Variants in FAM135B observed in about 807,000 individuals in gnomAD.
FAM135B encodes family with sequence similarity 135 member B.
In FAM135B, 43 loss-of-function variants were observed where a neutral mutation model predicts 127.7. The ratio of observed to expected loss-of-function variants is 0.34; its 90% CI spans 0.26 to 0.43. The LOEUF (loss-of-function observed/expected upper bound fraction) is 0.43. FAM135B is among the 20% of genes least tolerant of loss of function. The probability of loss-of-function intolerance (pLI) is 1.00; values close to 1 mark genes in which losing one functional copy is unlikely to be tolerated. For synonymous variants in FAM135B, 670 were observed against 665.1 expected (o/e 1.01, Z -0.11); for missense variants, 1,558 against 1,725.6 (o/e 0.90, Z 1.72).
At chr8:138,282,083 G>A (rs754761027) in intron 3 of FAM135B, among the ~76,000 whole-genome samples, 6 of 152,148 alleles carry the variant, frequency 3.9e-5, no homozygotes, top group African/African-American at 1.4e-4. Context: ...GGACATAGCC[G>A]CTTAATGAAA....
At chr8:138,377,511 C>T (rs912732763) in intron 1 of FAM135B, among the ~76,000 whole-genome samples, 1 of 152,196 alleles carries the variant, frequency 6.6e-6, no homozygotes, top group East Asian at 1.9e-4. Context: ...CACAAAAGAA[C>T]ACTGAAGACA....
chr8:138,486,681 T>C (rs1372861800), intron 1 of FAM135B, among the ~76,000 whole-genome samples: 1 of 152,210 alleles, frequency 6.6e-6, no homozygotes, highest in Non-Finnish European at 1.5e-5. Context: ...AGGCTGAGAC[T>C]AGATATCCAT....
chr8:138,285,521 T>C (rs1457608610), intron 3 of FAM135B, among the ~76,000 whole-genome samples: 2 of 152,090 alleles, frequency 1.3e-5, no homozygotes, highest in Non-Finnish European at 2.9e-5. Context: ...TCTCTACAGA[T>C]TGTTATGAGG....
intron 1 of FAM135B, among the ~76,000 whole-genome samples, chr8:138,462,866 A>C (rs947073284): frequency 1.3e-5 from 2 of 152,206 alleles, no homozygotes; most frequent in African/African-American, 4.8e-5. Flanking sequence ...CGCCCAGCCC[A>C]TGGCTGAGTT....
intron 12 of FAM135B, among the ~76,000 whole-genome samples, chr8:138,166,595 AT>A (rs1819948970): frequency 6.6e-6 from 1 of 152,234 alleles, no homozygotes; most frequent in Non-Finnish European, 1.5e-5. Context: ...AGGCTAATTG[AT>A]ATAAACAAGA....
At position 138,457,962 on chromosome 8, in the gene FAM135B, G is replaced by A. The variant is rs904569337; in HGVS notation, c.-20+38709C>T. Among the ~76,000 whole-genome samples the A allele has an allele frequency of 2.1e-4, 30 of 143,752 alleles. 1 individual carries two copies. Among genetic ancestry groups the A allele is most frequent in the Non-Finnish European group, 1.6e-4 (11 of 66,858 alleles). 94.3% of individuals were successfully genotyped at this position (143,752 alleles called of 152,430 possible). ...ACTGCACTCCAGCCTGGGCAAGAGCGAGACTCCATCTCAAAAAAAAAAAAA... is the reference window on the plus strand; with the variant it reads ...ACTGCACTCCAGCCTGGGCAAGAGCAAGACTCCATCTCAAAAAAAAAAAAA... On this transcript the variant is annotated intron_variant, in intron 1 of 19. Coordinates refer to ENST00000395297, the MANE Select transcript of FAM135B (RefSeq NM_015912.4).
chr8:138,375,204 G>A (rs1475238098), intron 1 of FAM135B, among the ~76,000 whole-genome samples: 1 of 152,050 alleles, frequency 6.6e-6, no homozygotes, highest in Non-Finnish European at 1.5e-5. Context: ...CCCCATTTGT[G>A]TGGCCGAAAG....
At chr8:138,316,107 C>A (rs1476931538) in intron 2 of FAM135B, among the ~76,000 whole-genome samples, 5 of 152,176 alleles carry the variant, frequency 3.3e-5, no homozygotes, top group African/African-American at 1.2e-4. Context: ...ATGATCATTT[C>A]ACTGTATATT....
At chr8:138,447,403 C>A (rs527548921) in intron 1 of FAM135B, among the ~76,000 whole-genome samples, 1 of 152,218 alleles carries the variant, frequency 6.6e-6, no homozygotes, top group South Asian at 2.1e-4. Context: ...TTGGAACCAA[C>A]CCAAATGTCC....
At chr8:138,261,077 GA>G (rs769020842) in intron 4 of FAM135B, among the ~76,000 whole-genome samples, 17 of 151,456 alleles carry the variant, frequency 1.1e-4, no homozygotes, top group Non-Finnish European at 2.1e-4. Flanking sequence ...GGTTACTGTG[GA>G]AATCGTGCCC....
chr8:138,248,399 C>T (rs988424970), intron 6 of FAM135B, among the ~76,000 whole-genome samples: 1 of 152,160 alleles, frequency 6.6e-6, no homozygotes, highest in East Asian at 1.9e-4. Flanking sequence ...CATGGCCTCT[C>T]TAGAAGTGGC....
intron 2 of FAM135B, among the ~76,000 whole-genome samples, chr8:138,351,974 G>A (rs1286774470): frequency 6.6e-6 from 1 of 152,130 alleles, no homozygotes; most frequent in Non-Finnish European, 1.5e-5. Flanking sequence ...ACAGGTGTAA[G>A]CCACTACGTT....
At position 138,433,245 on chromosome 8, in the gene FAM135B, G is replaced by A. The variant is rs544415809; in HGVS notation, c.-20+63426C>T. ...CATTTAAAAAGATTATTAAGGCCGG[G>A]CACGGTGGCTCATGCCTGTAAATCC... is the stretch of plus-strand genomic sequence containing the variant. On this transcript the variant is annotated intron_variant, in intron 1 of 19. Coordinates refer to ENST00000395297, the MANE Select transcript of FAM135B (RefSeq NM_015912.4). Among the ~76,000 whole-genome samples the A allele has an allele frequency of 1.4e-4, 22 of 152,188 alleles. No individual in the cohort carries two copies. The East Asian group carries it at 4.1e-3, about 28-fold the overall frequency.
At chr8:138,238,756 A>G (rs1052210920) in intron 7 of FAM135B, among the ~76,000 whole-genome samples, 2 of 152,216 alleles carry the variant, frequency 1.3e-5, no homozygotes, top group Admixed American at 1.3e-4. Flanking sequence ...CAAAGCTCCC[A>G]GGGGAGGTGG....
At chr8:138,205,638 T>C (rs1044016701) in intron 7 of FAM135B, among the ~76,000 whole-genome samples, 5 of 152,168 alleles carry the variant, frequency 3.3e-5, no homozygotes, top group Admixed American at 3.3e-4. Context: ...ACCTAAATTA[T>C]GTGTCCCAGT....
At chr8:138,202,407 A>T (rs551773605) in intron 7 of FAM135B, among the ~76,000 whole-genome samples, 2 of 152,122 alleles carry the variant, frequency 1.3e-5, no homozygotes, top group South Asian at 4.1e-4. Flanking sequence ...GCACCATCAC[A>T]CTTGGCTAAT....
chr8:138,221,423 C>G (rs1819016200), intron 7 of FAM135B, among the ~76,000 whole-genome samples: 1 of 152,162 alleles, frequency 6.6e-6, no homozygotes, highest in Non-Finnish European at 1.5e-5. Context: ...CCAATCACCT[C>G]TCAGCAGGCC....
chr8:138,426,006 TATATATAC>T (rs1485680147), intron 1 of FAM135B, among the ~76,000 whole-genome samples: 494 of 18,118 alleles, frequency 0.027, 21 homozygotes, highest in African/African-American at 0.072. Flanking sequence ...TATATATATA[TATATATAC>T]ACACACATAC....
At position 138,488,012 on chromosome 8, in the gene FAM135B, C is replaced by CA. The variant is rs562458142; in HGVS notation, c.-20+8658dup. On this transcript the variant is annotated intron_variant, in intron 1 of 19. Coordinates refer to ENST00000395297, the MANE Select transcript of FAM135B (RefSeq NM_015912.4). ...GAGTGAGACTCTCTCTCAAAAAAAA[C>CA]AAAAAAAAAAGACGCCTGTCAGTGT... Among the ~76,000 whole-genome samples, 223 of 144,806 alleles carry CA rather than the reference C, an allele frequency of 1.5e-3. 5 individuals are homozygous for CA. The East Asian group carries it at 0.035, about 23-fold the overall frequency. 95.0% of individuals were successfully genotyped at this position (144,806 alleles called of 152,430 possible).
Sources: gnomAD v4.1 joint callset for allele counts (sites outside exome capture counted in the v4.1 genomes callset) on GRCh38, gnomAD v4.1.1 for gene constraint, MANE v1.5 for transcripts, NCBI Gene and HGNC (gene_info 2026-07-23, HGNC 2026-07-21) for gene names.